Variants in NOVA1 observed in about 807,000 individuals in gnomAD.
NOVA1 encodes RNA-binding protein Nova-1.
Under a neutral mutation model 38.0 loss-of-function variants are expected in NOVA1, and 7 were observed. The observed-to-expected ratio is 0.18, with a 90% confidence interval of 0.10 to 0.35. The LOEUF is 0.35. NOVA1 is among the 10% of genes least tolerant of loss of function. NOVA1 has a pLI of 1.00. For synonymous variants in NOVA1, 270 were observed against 232.5 expected (o/e 1.16, Z -1.47); for missense variants, 460 against 616.0 (o/e 0.75, Z 2.68).
At chr14:26,552,729 T>A (rs1204502337) in intron 2 of NOVA1, among the ~76,000 whole-genome samples, 7 of 152,116 alleles carry the variant, frequency 4.6e-5, no homozygotes, top group Non-Finnish European at 1.0e-4. Context: ...CAATTTAAGG[T>A]ATGAAAATTA....
At chr14:26,453,164 TTATG>T (rs146403566) in intron 4 of NOVA1, among the ~76,000 whole-genome samples, 1,459 of 125,146 alleles carry the variant, frequency 0.012, 24 homozygotes, top group African/African-American at 0.045. Context: ...ACTGCTTCAA[TTATG>T]TATGTATGTA....
At chr14:26,528,547 C>T (rs1034439289) in intron 2 of NOVA1, among the ~76,000 whole-genome samples, 12 of 152,128 alleles carry the variant, frequency 7.9e-5, no homozygotes, top group African/African-American at 2.4e-4. Context: ...AAGACAGTAA[C>T]CCTGGCTGTA....
At chr14:26,491,281 C>A (rs1344824821) in intron 2 of NOVA1, among the ~76,000 whole-genome samples, 1 of 152,120 alleles carries the variant, frequency 6.6e-6, no homozygotes, top group African/African-American at 2.4e-5. Context: ...GCTGGGATTA[C>A]AGGCATGAGC....
intron 2 of NOVA1, among the ~76,000 whole-genome samples, chr14:26,540,779 G>A (rs1038564516): frequency 6.6e-6 from 1 of 152,038 alleles, no homozygotes; most frequent in African/African-American, 2.4e-5. Context: ...TAAATACCAG[G>A]AATCAACTAC....
At chr14:26,474,514 C>G (rs551337115) in intron 3 of NOVA1, among the ~76,000 whole-genome samples, 2 of 151,896 alleles carry the variant, frequency 1.3e-5, no homozygotes, top group East Asian at 3.9e-4. Flanking sequence ...TTTTGCTTGG[C>G]ATATATATAA....
At chr14:26,564,093 G>A (rs896599814) in intron 2 of NOVA1, among the ~76,000 whole-genome samples, 1 of 152,048 alleles carries the variant, frequency 6.6e-6, no homozygotes, top group African/African-American at 2.4e-5. Context: ...AGAACCCATG[G>A]TCTTTAGTGT....
At chr14:26,504,217 C>CT (rs1887458269) in intron 2 of NOVA1, among the ~76,000 whole-genome samples, 2 of 152,110 alleles carry the variant, frequency 1.3e-5, no homozygotes, top group South Asian at 4.2e-4. Context: ...ACAACACAGC[C>CT]TACAACTTTA....
intron 2 of NOVA1, among the ~76,000 whole-genome samples, chr14:26,588,899 A>G (rs544392970): frequency 6.6e-6 from 1 of 151,440 alleles, no homozygotes; most frequent in Non-Finnish European, 1.5e-5. Context: ...TTAAAGTAAA[A>G]ATTATTTTCT....
At chr14:26,514,921 T>C (rs2138473146) in intron 2 of NOVA1, among the ~76,000 whole-genome samples, 1 of 152,020 alleles carries the variant, frequency 6.6e-6, no homozygotes, top group Admixed American at 6.6e-5. Context: ...TTCTTTCATT[T>C]TCTTCTATCA....
Position 26,481,988 on chromosome 14 carries a change from T to TAAAAAAAAAAAAAAA in NOVA1, c.281-1860_281-1846dup, listed in dbSNP as rs372806170. 5.8e-4 allele frequency among the ~76,000 whole-genome samples: 61 copies of TAAAAAAAAAAAAAAA among 105,934 alleles called. 1 individual carries two copies. The highest frequency in any genetic ancestry group is 7.1e-4 in the African/African-American group (14 of 19,704). The allele number at this position is 105,934 out of a possible 152,430, so 69.5% of individuals were successfully genotyped here. A position where few individuals can be genotyped will look rare whatever the true frequency, so the allele number is the denominator to read the frequency against. On this transcript the variant is annotated intron_variant, in intron 2 of 4. Transcript: ENST00000539517. The stretch of plus-strand genomic sequence containing the variant: ...CAAAACAGTCTAACTTAGATAGAGA[T>TAAAAAAAAAAAAAAA]AAAAAAAAAAAAAAAAAAAAAAAAA...
In NOVA1 at chr14:26,448,439, T is replaced by C. The variant is rs202158129; in HGVS notation, c.1044A>G (p.Ala348=). The C allele has an allele frequency of 6.2e-7, 1 of 1,612,070 alleles. No homozygotes were observed. The highest frequency in any genetic ancestry group is 2.2e-5 in the East Asian group (1 of 44,842). Residue 348 remains alanine (A), a synonymous_variant, in exon 5 of 5, where the codon GCA becomes GCG. Coordinates refer to ENST00000539517, the MANE Select transcript of NOVA1 (RefSeq NM_002515.3). The surrounding 1 kb of genome is among the most constrained non-coding windows in gnomAD (Gnocchi z 5.3). ...QAAATGALAA[A]AASANPAAAA... ...CTGCTGCTGGGTTGGCACTGGCAGCTGCTGCAGCCAAAGCCCCTGTTGCTG... is the reference window on the plus strand; with the variant it reads ...CTGCTGCTGGGTTGGCACTGGCAGCCGCTGCAGCCAAAGCCCCTGTTGCTG...
chr14:26,494,899 A>G (rs1162749892), intron 2 of NOVA1, among the ~76,000 whole-genome samples: 1 of 152,172 alleles, frequency 6.6e-6, no homozygotes, highest in Non-Finnish European at 1.5e-5. Flanking sequence ...TATGTAATTT[A>G]CCTGTTTAAA....
chr14:26,455,052 C>A (rs1488495164), intron 4 of NOVA1, among the ~76,000 whole-genome samples: 1 of 152,156 alleles, frequency 6.6e-6, no homozygotes, highest in Non-Finnish European at 1.5e-5. Flanking sequence ...AACAGATTTA[C>A]ATGAATAGAA....
intron 2 of NOVA1, among the ~76,000 whole-genome samples, chr14:26,513,489 A>G (rs1202810255): frequency 2.6e-5 from 4 of 151,858 alleles, no homozygotes; most frequent in Non-Finnish European, 5.9e-5. Flanking sequence ...ATCATCTGGA[A>G]GTATGCAAGA....
intron 2 of NOVA1, among the ~76,000 whole-genome samples, chr14:26,502,936 A>G (rs1887348033): frequency 1.3e-5 from 2 of 152,060 alleles, no homozygotes; most frequent in Non-Finnish European, 2.9e-5. Context: ...AATGTTCTTC[A>G]TAGTTGTTTT....
At chr14:26,590,107 C>G (rs1258380741) in intron 2 of NOVA1, among the ~76,000 whole-genome samples, 1 of 151,876 alleles carries the variant, frequency 6.6e-6, no homozygotes. Context: ...CAACTAACCT[C>G]TTCTCTCTAG....
intron 2 of NOVA1, among the ~76,000 whole-genome samples, chr14:26,585,299 T>TAA (rs2138786000): frequency 6.6e-6 from 1 of 151,376 alleles, no homozygotes; most frequent in East Asian, 1.9e-4. Context: ...AATACCTTGA[T>TAA]ATTTAAGTTA....
chr14:26,525,818 T>C (rs1178813942), intron 2 of NOVA1, among the ~76,000 whole-genome samples: 1 of 152,094 alleles, frequency 6.6e-6, no homozygotes, highest in Non-Finnish European at 1.5e-5. Flanking sequence ...TCTACTCTTT[T>C]TCTGATCTCT....
intron 2 of NOVA1, chr14:26,594,564 T>G (rs1226155840): frequency 6.6e-6 from 1 of 152,082 alleles, no homozygotes; most frequent in African/African-American, 2.4e-5. Context: ...GCAAATCAGC[T>G]GATAATGTTT....
Sources: gnomAD v4.1 joint callset for allele counts (sites outside exome capture counted in the v4.1 genomes callset) on GRCh38, gnomAD v4.1.1 for gene constraint, Gnocchi (gnomAD v3.1) non-coding constraint, MANE v1.5 for transcripts, NCBI Gene and HGNC (gene_info 2026-07-23, HGNC 2026-07-21) for gene names.